Variants in FRMPD1 observed in about 807,000 individuals in gnomAD.
FRMPD1 encodes FERM and PDZ domain containing 1.
A neutral mutation model predicts 117.8 loss-of-function variants in FRMPD1; 76 were observed. The ratio of observed to expected loss-of-function variants is 0.65; its 90% confidence interval spans 0.54 to 0.78. The LOEUF is 0.78. FRMPD1 is among the 30% of genes least tolerant of loss of function. The pLI is 0.00. For missense variants in FRMPD1, 1,786 were observed against 1,964.5 expected, an observed-to-expected ratio of 0.91 and a Z score of 1.72; for synonymous variants, 783 against 770.4, an observed-to-expected ratio of 1.02 and a Z score of -0.27.
the FRMPD1 span, chr9:37,636,661 C>T: frequency 2.7e-6 from 4 of 1,455,988 alleles, no homozygotes; most frequent in African/African-American, 2.8e-5. Flanking sequence ...AGAAGGTGCC[C>T]CCTCCTGTCC....
intron 6 of FRMPD1, among the ~76,000 whole-genome samples, chr9:37,720,118 C>T (rs767106711): frequency 6.6e-6 from 1 of 152,162 alleles, no homozygotes; most frequent in Non-Finnish European, 1.5e-5. Context: ...TTATTTTCTA[C>T]CTGCCCTGCT....
intron 7 of FRMPD1, among the ~76,000 whole-genome samples, chr9:37,725,944 T>C (rs1172487902): frequency 6.6e-6 from 1 of 152,212 alleles, no homozygotes; most frequent in Non-Finnish European, 1.5e-5. Flanking sequence ...TCATCTTTGC[T>C]CAAAGTGGAT....
chr9:37,627,795 T>C, the FRMPD1 span, among the ~76,000 whole-genome samples: 1 of 152,248 alleles, frequency 6.6e-6, no homozygotes, highest in African/African-American at 2.4e-5. Flanking sequence ...GGATTCTTAC[T>C]TAGGTACTGT....
chr9:37,701,243 G>T lies in FRMPD1; in HGVS notation c.102-6173G>T, dbSNP rs183316741. 1.9e-3 allele frequency among the ~76,000 whole-genome samples: 293 copies of T among 152,318 alleles called. 4 individuals carry two copies. The highest frequency in any genetic ancestry group is 6.9e-3 in the African/African-American group (285 of 41,568). ...CTGTTGAAACCCTGTAGTAAGGTTTGTTCTTTCTTTTGTTCTCCAAACAAT... is the reference window on the plus strand; with the variant it reads ...CTGTTGAAACCCTGTAGTAAGGTTTTTTCTTTCTTTTGTTCTCCAAACAAT... On this transcript the variant is annotated intron_variant, in intron 2 of 15. Coordinates refer to ENST00000377765, the MANE Select transcript of FRMPD1 (RefSeq NM_014907.3).
the FRMPD1 span, among the ~76,000 whole-genome samples, chr9:37,605,690 A>ATTTT: frequency 6.7e-6 from 1 of 148,394 alleles, no homozygotes; most frequent in Non-Finnish European, 1.5e-5. Flanking sequence ...AATTTTATTT[A>ATTTT]TTTATTTATT....
At chr9:37,616,690 T>G in the FRMPD1 span, among the ~76,000 whole-genome samples, 1 of 152,172 alleles carries the variant, frequency 6.6e-6, no homozygotes, top group African/African-American at 2.4e-5. Context: ...CATGAAACCA[T>G]GATTGAAAAA....
At chr9:37,652,004 G>A (rs540327560) in intron 1 of FRMPD1, among the ~76,000 whole-genome samples, 12 of 152,356 alleles carry the variant, frequency 7.9e-5, no homozygotes, top group African/African-American at 2.6e-4. Flanking sequence ...TAGACATGGG[G>A]AGGATTGGTG....
At chr9:37,666,408 C>T (rs1470642530) in intron 1 of FRMPD1, among the ~76,000 whole-genome samples, 1 of 152,040 alleles carries the variant, frequency 6.6e-6, no homozygotes, top group East Asian at 1.9e-4. Flanking sequence ...TACCCCGATA[C>T]CTCCACTTTA....
At position 37,707,459 on chromosome 9, in the gene FRMPD1, C is replaced by G. The variant is rs1270019469; in HGVS notation, c.145C>G (p.Gln49Glu). The G allele has an allele frequency of 4.3e-6, 7 of 1,613,900 alleles. No individual in the cohort carries two copies. The highest frequency in any genetic ancestry group is 5.1e-6 in the Non-Finnish European group (6 of 1,179,940). Residue 49 changes from glutamine to glutamate, a missense_variant, in exon 3 of 16, where the codon CAG becomes GAG. Gln to Glu is a conservative substitution (Grantham distance 29, BLOSUM62 2). Coordinates refer to ENST00000377765, the MANE Select transcript of FRMPD1 (RefSeq NM_014907.3). Reference protein sequence around the residue: ...AADGPARNPTQTLIPVRHTVK... With the variant: ...AADGPARNPTETLIPVRHTVK... Reference sequence around the variant, plus strand: ...TGATGGGCCCGCCAGGAACCCAACTCAGACCCTCATCCCTGTGCGACACAC... The same window carrying G: ...TGATGGGCCCGCCAGGAACCCAACTGAGACCCTCATCCCTGTGCGACACAC...
the FRMPD1 span, among the ~76,000 whole-genome samples, chr9:37,624,504 G>A: frequency 1.3e-5 from 2 of 152,108 alleles, no homozygotes; most frequent in African/African-American, 4.8e-5. Flanking sequence ...TCAAACAAAG[G>A]GGTTTCCCTC....
At chr9:37,612,621 C>T in the FRMPD1 span, among the ~76,000 whole-genome samples, 3 of 151,024 alleles carry the variant, frequency 2.0e-5, no homozygotes, top group South Asian at 2.1e-4. Flanking sequence ...CGGGTTCAAG[C>T]GATTCCCCTG....
chr9:37,710,382 G>A (rs2118171623), intron 4 of FRMPD1, among the ~76,000 whole-genome samples: 1 of 152,278 alleles, frequency 6.6e-6, no homozygotes, highest in Middle Eastern at 3.4e-3. Flanking sequence ...AGGAAAATAT[G>A]ATCGATTTTC....
intron 1 of FRMPD1, among the ~76,000 whole-genome samples, chr9:37,671,465 A>G (rs372354768): frequency 6.6e-6 from 1 of 152,180 alleles, no homozygotes; most frequent in Non-Finnish European, 1.5e-5. Context: ...ATGAGTATTT[A>G]GTGAACATCT....
the FRMPD1 span, among the ~76,000 whole-genome samples, chr9:37,610,993 T>A: frequency 6.6e-6 from 1 of 152,256 alleles, no homozygotes; most frequent in Admixed American, 6.5e-5. Context: ...ACATTTAGGT[T>A]GTTTCCAGTC....
chr9:37,685,228 G>C (rs982281589), intron 1 of FRMPD1, among the ~76,000 whole-genome samples: 1 of 152,142 alleles, frequency 6.6e-6, no homozygotes, highest in African/African-American at 2.4e-5. Context: ...AAGTTTTAAG[G>C]ATGATTCTTT....
At chr9:37,743,171 G>A (rs1246103611) in intron 15 of FRMPD1, among the ~76,000 whole-genome samples, 2 of 152,150 alleles carry the variant, frequency 1.3e-5, no homozygotes, top group Admixed American at 6.5e-5. Context: ...CACAAAACTC[G>A]ATGCCTGTGA....
chr9:37,717,347 G>A (rs1823174471), intron 5 of FRMPD1, among the ~76,000 whole-genome samples: 1 of 44,570 alleles, frequency 2.2e-5, no homozygotes, highest in South Asian at 6.7e-4. Flanking sequence ...ATATATGTGT[G>A]TGTGTGTGTG....
chr9:37,717,302 A>AATAT (rs202042365), intron 5 of FRMPD1, among the ~76,000 whole-genome samples: 7 of 144,770 alleles, frequency 4.8e-5, no homozygotes, highest in African/African-American at 1.8e-4. Context: ...AGAAAAAAAA[A>AATAT]ATATATATAT....
chr9:37,709,932 G>T (rs1443197117), intron 4 of FRMPD1, among the ~76,000 whole-genome samples: 1 of 152,206 alleles, frequency 6.6e-6, no homozygotes, highest in African/African-American at 2.4e-5. Flanking sequence ...ATGACTTGAG[G>T]TGTGCTGTGC....
Sources: allele counts gnomAD v4.1 joint callset (sites outside exome capture counted in the v4.1 genomes callset), GRCh38; gene constraint gnomAD v4.1.1; transcripts MANE v1.5; gene names NCBI Gene and HGNC (gene_info 2026-07-23, HGNC 2026-07-21).